HOTAIR: variants seen among roughly 807,000 people sequenced by gnomAD.
The protein encoded by HOTAIR is HOX transcript antisense RNA.
At chr12:53,974,510 C>T (rs1939213795) in intron 1 of HOTAIR, among the ~76,000 whole-genome samples, 1 of 152,046 alleles carries the variant, frequency 6.6e-6, no homozygotes, top group South Asian at 2.1e-4. Context: ...AGCAGAAACC[C>T]AAGCAACTCT....
At chr12:53,969,562 G>A (rs1300738279) in intron 1 of HOTAIR, among the ~76,000 whole-genome samples, 2 of 152,234 alleles carry the variant, frequency 1.3e-5, no homozygotes, top group East Asian at 1.9e-4. Context: ...TGTCCCGGGT[G>A]CAAGATAAAC....
chr12:53,967,388 T>G (rs953811310), exon 3 of HOTAIR: 10 of 152,222 alleles, frequency 6.6e-5, no homozygotes. Flanking sequence ...CCTGGTGCTC[T>G]CTTACCCTGT....
chr12:53,973,611 C>A lies in HOTAIR; in HGVS notation n.59+1287G>T, dbSNP rs774417074. 9.3e-6 allele frequency: 15 copies of A among 1,613,714 alleles called. No individual in the cohort carries two copies. In the South Asian group the frequency reaches 1.6e-4, roughly 18 times the overall value. On this transcript the variant is annotated intron_variant and non_coding_transcript_variant, in intron 1 of 6. Coordinates refer to ENST00000424518, the Ensembl canonical transcript of HOTAIR. This position sits in a 1 kb window ranked among gnomAD's most constrained non-coding sequence, Gnocchi z 4.3. ...GAAAAACGAAGGCTCCTACGGCGGC[C>A]ACCACCACCCCAGCGCCCCGCACGC...
chr12:53,971,137 C>G (rs1939139785), intron 1 of HOTAIR, among the ~76,000 whole-genome samples: 1 of 152,182 alleles, frequency 6.6e-6, no homozygotes, highest in African/African-American at 2.4e-5. Flanking sequence ...CCATCTCACT[C>G]TATAAAAAGG....
At chr12:53,963,092 G>A (rs1262948942) in exon 7 of HOTAIR, 1 of 152,192 alleles carries the variant, frequency 6.6e-6, no homozygotes, top group African/African-American at 2.4e-5. Context: ...GCTAGGGCTG[G>A]TTTCACTTTT....
At chr12:53,972,138 C>G (rs575554062) in intron 1 of HOTAIR, among the ~76,000 whole-genome samples, 2 of 152,210 alleles carry the variant, frequency 1.3e-5, no homozygotes, top group African/African-American at 2.4e-5. Context: ...CCTAGTCCCC[C>G]CCACCATATT....
exon 7 of HOTAIR, chr12:53,962,594 A>G (rs1341054097): frequency 6.6e-6 from 1 of 152,174 alleles, no homozygotes; most frequent in Non-Finnish European, 1.5e-5. Flanking sequence ...TACTAAATAC[A>G]TTGAAATTGC....
Position 53,973,837 on chromosome 12 carries a change from C to T in HOTAIR, n.59+1061G>A, listed in dbSNP as rs1266372537. ...TCCCGGGCTGAGGCGGGTGCCGAGG[C>T]GGAGGCTGAGGAGGAGAACACAAAT... On this transcript the variant is annotated intron_variant and non_coding_transcript_variant, in intron 1 of 6. Transcript: ENST00000424518. This position sits in a 1 kb window ranked among gnomAD's most constrained non-coding sequence, Gnocchi z 4.3. The T allele has an allele frequency of 6.7e-7, 1 of 1,501,576 alleles. No individual in the cohort carries two copies. The highest frequency in any genetic ancestry group is 8.8e-7 in the Non-Finnish European group (1 of 1,130,486). 93.0% of individuals were successfully genotyped at this position (1,501,576 alleles called of 1,614,324 possible).
At chr12:53,965,916 G>T (rs1218215016) in intron 5 of HOTAIR, 1 of 152,254 alleles carries the variant, frequency 6.6e-6, no homozygotes, top group Non-Finnish European at 1.5e-5. Flanking sequence ...CAGCAGTCTG[G>T]GTGGGCGGGG....
chr12:53,970,376 C>A (rs868815003), intron 1 of HOTAIR, among the ~76,000 whole-genome samples: 1 of 152,204 alleles, frequency 6.6e-6, no homozygotes, highest in South Asian at 2.1e-4. Context: ...AACATCTCAG[C>A]TGAAGCGTCC....
intron 1 of HOTAIR, among the ~76,000 whole-genome samples, chr12:53,970,723 G>A (rs1939135193): frequency 6.6e-6 from 1 of 152,148 alleles, no homozygotes; most frequent in African/African-American, 2.4e-5. Flanking sequence ...GCTCCTTGTT[G>A]CCGCCTGGCT....
chr12:53,972,531 C>CA (rs1426403885), intron 1 of HOTAIR, among the ~76,000 whole-genome samples: 1 of 152,246 alleles, frequency 6.6e-6, no homozygotes, highest in East Asian at 1.9e-4. Context: ...TGGGCTGCCT[C>CA]ACCTTTGGGA....
chr12:53,973,403 C>T lies in HOTAIR; in HGVS notation n.59+1495G>A. The T allele has an allele frequency of 1.2e-6, 2 of 1,614,234 alleles. No individual in the cohort carries two copies. Among genetic ancestry groups the T allele is most frequent in the Non-Finnish European group, 1.7e-6 (2 of 1,180,048 alleles). On this transcript the variant is annotated intron_variant and non_coding_transcript_variant, in intron 1 of 6. Transcript: ENST00000424518. This position sits in a 1 kb window ranked among gnomAD's most constrained non-coding sequence, Gnocchi z 4.3. ...CGGTCTCCTCCTTCCTGCCCCAGGC[C>T]CCCTCTCGTCAGATCTCCTATCCCT...
Position 53,973,676 on chromosome 12 carries a change from C to G in HOTAIR, n.59+1222G>C, listed in dbSNP as rs1939190546. ...TCTACTCCTCAGTCAACAAGAACAG[C>G]GTCCTGCCTCAAGCCTTCGACCGTT... is the stretch of plus-strand genomic sequence containing the variant. On this transcript the variant is annotated intron_variant and non_coding_transcript_variant, in intron 1 of 6. Transcript: ENST00000424518. The surrounding 1 kb of genome is among the most constrained non-coding windows in gnomAD (Gnocchi z 4.3). The G allele has an allele frequency of 4.3e-6, 7 of 1,613,746 alleles. No homozygotes were observed. The highest frequency in any genetic ancestry group is 1.7e-5 in the Admixed American group (1 of 60,028).
At chr12:53,970,728 C>G (rs1284310835) in intron 1 of HOTAIR, among the ~76,000 whole-genome samples, 1 of 152,218 alleles carries the variant, frequency 6.6e-6, no homozygotes, top group African/African-American at 2.4e-5. Flanking sequence ...TTGTTGCCGC[C>G]TGGCTCACTT....
At position 53,973,473 on chromosome 12, in the gene HOTAIR, G is replaced by A. The variant is rs768321467; in HGVS notation, n.59+1425C>T. ...GGTCCGGGAGGTCTCCTACGGCCTG[G>A]AGCCATCCGGCAAGTGGCACCATCG... On this transcript the variant is annotated intron_variant and non_coding_transcript_variant, in intron 1 of 6. Transcript: ENST00000424518. This position sits in a 1 kb window ranked among gnomAD's most constrained non-coding sequence, Gnocchi z 4.3. 5.0e-6 allele frequency: 8 copies of A among 1,613,916 alleles called. No homozygotes were observed. Among genetic ancestry groups the A allele is most frequent in the Non-Finnish European group, 6.8e-6 (8 of 1,180,026 alleles).
chr12:53,974,346 C>T (rs1431391705), intron 1 of HOTAIR, among the ~76,000 whole-genome samples: 1 of 128,570 alleles, frequency 7.8e-6, no homozygotes, highest in Admixed American at 8.2e-5. Context: ...AAGGGGAGGG[C>T]GAGGGAAAGA....
At position 53,973,136 on chromosome 12, in the gene HOTAIR, A is replaced by C. The variant is rs567250610; in HGVS notation, n.59+1762T>G. On this transcript the variant is annotated intron_variant and non_coding_transcript_variant, in intron 1 of 6. Coordinates refer to ENST00000424518, the Ensembl canonical transcript of HOTAIR. The surrounding 1 kb of genome is among the most constrained non-coding windows in gnomAD (Gnocchi z 4.3). The stretch of plus-strand genomic sequence containing the variant: ...TCTACTTTGGATCACGTGCTCAGAG[A>C]GAGAGAGACTAAGACGGATAACGCG... The C allele has an allele frequency of 7.6e-4, 625 of 820,300 alleles. 2 individuals carry two copies. The highest frequency in any genetic ancestry group is 1.1e-3 in the Non-Finnish European group (591 of 530,054). The allele number at this position is 820,300 out of a possible 1,614,324, so 50.8% of individuals were successfully genotyped here. A position where few individuals can be genotyped will look rare whatever the true frequency, so the allele number is the denominator to read the frequency against.
At position 53,962,786 on chromosome 12, in the gene HOTAIR, G is replaced by A. The variant is rs571976806; in HGVS notation, n.1943C>T. ...GTCTACATGCATCACTTATTTAAGT[G>A]TTCTCCTATGTCTATTTTTCTACTG... On this transcript the variant is annotated non_coding_transcript_exon_variant, in exon 7 of 7. Coordinates refer to ENST00000424518, the Ensembl canonical transcript of HOTAIR. 9 of 152,150 alleles carry A rather than the reference G, an allele frequency of 5.9e-5. No individual in the cohort carries two copies. The South Asian group carries it at 1.5e-3, about 25-fold the overall frequency. The allele number at this position is 152,150 out of a possible 1,614,324, so 9.4% of individuals were successfully genotyped here.
Sources: allele counts gnomAD v4.1 joint callset (sites outside exome capture counted in the v4.1 genomes callset), GRCh38; gene constraint gnomAD v4.1.1; non-coding constraint Gnocchi (gnomAD v3.1); transcripts MANE v1.5; gene names NCBI Gene and HGNC (gene_info 2026-07-23, HGNC 2026-07-21).